The following RELCH variants were observed in gnomAD, a reference collection of about 807,000 sequenced individuals.
The protein encoded by RELCH is RAB11 binding and LisH domain, coiled-coil and HEAT repeat containing, also known as RAB11-binding protein RELCH.
In RELCH, 41 loss-of-function variants were observed where a neutral mutation model predicts 150.3. The observed-to-expected ratio is 0.27, with a 90% CI of 0.21 to 0.35. The LOEUF (loss-of-function observed/expected upper bound fraction) is 0.35. Among genes scored for constraint, RELCH ranks in the 10% least tolerant of loss-of-function variants. The pLI is 1.00. For missense variants in RELCH, 1,092 were observed against 1,467.8 expected (o/e 0.74, Z 4.18); for synonymous variants, 478 against 531.8 (o/e 0.90, Z 1.39).
At chr18:62,264,227 A>C in intron 17 of RELCH, 82 bp downstream of exon 17, 1 of 1,175,346 alleles carries the variant, frequency 8.5e-7, no homozygotes. Flanking sequence ...ATATAACAAA[A>C]CTTTTAAAAT....
At chr18:62,228,647 C>A in intron 8 of RELCH, 49 bp downstream of exon 8, 1 of 1,410,266 alleles carries the variant, frequency 7.1e-7, no homozygotes, top group Non-Finnish European at 9.6e-7. Flanking sequence ...CTATTTAGTA[C>A]ATGTCAAACG....
chr18:62,264,380 G>A (rs1319039217), intron 17 of RELCH, among the ~76,000 whole-genome samples: 2 of 151,980 alleles, frequency 1.3e-5, no homozygotes, highest in Non-Finnish European at 2.9e-5. Flanking sequence ...TCGTGGTGAT[G>A]GATTTTAAAC....
At chr18:62,281,471 G>C (rs891748781) in intron 24 of RELCH, among the ~76,000 whole-genome samples, 4 of 152,140 alleles carry the variant, frequency 2.6e-5, no homozygotes, top group Admixed American at 2.0e-4. Context: ...CCTGTTTCAG[G>C]AGACCACCAA....
rs143183817 is a variant in RELCH, at chr18:62,189,785, G to C, written c.526+1754G>C. Among the ~76,000 whole-genome samples the C allele has an allele frequency of 6.5e-3, 984 of 152,296 alleles. 6 individuals are homozygous for C. Among genetic ancestry groups the C allele is most frequent in the Non-Finnish European group, 0.011 (721 of 68,012 alleles). ...TTAAATAGTTTAGCAGTGTTTTAGA[G>C]TAAAACCTTACTTCTAAGTGCCTTT... On this transcript the variant is annotated intron_variant, in intron 1 of 28. Coordinates refer to ENST00000644646, the MANE Select transcript of RELCH (RefSeq NM_001346231.2).
chr18:62,309,875 A>G lies in RELCH; in HGVS notation c.*4341A>G, dbSNP rs2045962470. The G allele has an allele frequency of 6.6e-6, 1 of 152,184 alleles. No homozygotes were observed. Among genetic ancestry groups the G allele is most frequent in the African/African-American group, 2.4e-5 (1 of 41,446 alleles). 9.4% of individuals were successfully genotyped at this position (152,184 alleles called of 1,614,324 possible). A position where few individuals can be genotyped will look rare whatever the true frequency, so the allele number is the denominator to read the frequency against. ...GTATTTTGTGTTGTGTGTTATGTAT[A>G]TTAAATTCTTGGTCAGTGATCTTTT... On this transcript the variant is annotated 3_prime_UTR_variant, in exon 29 of 29. Transcript: ENST00000644646.
chr18:62,222,525 A>G lies in RELCH; in HGVS notation c.858+1028A>G, dbSNP rs111638201. On this transcript the variant is annotated intron_variant, in intron 5 of 28. Transcript: ENST00000644646. The stretch of plus-strand genomic sequence containing the variant: ...GAGGAGCAAAAAATAGATGGAATAC[A>G]TAGAAAACAGATAATAAAATGGTTA... Among the ~76,000 whole-genome samples, 284 of 152,116 alleles carry G rather than the reference A, an allele frequency of 1.9e-3. 3 individuals are homozygous for G. Among genetic ancestry groups the G allele is most frequent in the African/African-American group, 6.6e-3 (276 of 41,586 alleles).
In RELCH at chr18:62,306,857, T is replaced by C. The variant is rs1485568622; in HGVS notation, c.*1323T>C. On this transcript the variant is annotated 3_prime_UTR_variant, in exon 29 of 29. Transcript: ENST00000644646. Reference sequence around the variant, plus strand: ...TTGTTGTATAAACTGGTTTAATACATTTGGAACATAGTTGGATTACATTCA... The same window carrying C: ...TTGTTGTATAAACTGGTTTAATACACTTGGAACATAGTTGGATTACATTCA... 2 of 152,672 alleles carry C rather than the reference T, an allele frequency of 1.3e-5. No homozygotes were observed. Among genetic ancestry groups the C allele is most frequent in the African/African-American group, 4.8e-5 (2 of 41,464 alleles). The allele number at this position is 152,672 out of a possible 1,614,324, so 9.5% of individuals were successfully genotyped here.
At chr18:62,255,500 T>C (rs757566417) in intron 13 of RELCH, 22 bp downstream of exon 13, 31 of 1,533,936 alleles carry the variant, frequency 2.0e-5, no homozygotes, top group Non-Finnish European at 2.7e-5. Flanking sequence ...TTTTTTTTTT[T>C]CTTTAAACTA....
chr18:62,239,390 A>G (rs1169186761), intron 10 of RELCH, among the ~76,000 whole-genome samples: 1 of 141,348 alleles, frequency 7.1e-6, no homozygotes, highest in Non-Finnish European at 1.6e-5. Flanking sequence ...TTTCCTTTTT[A>G]TATGAACAGG....
In RELCH at chr18:62,271,268, T is replaced by G. The variant is rs564802660; in HGVS notation, c.2760+2320T>G. On this transcript the variant is annotated intron_variant, in intron 20 of 28. Transcript: ENST00000644646. ...TCCAGCACCTGTTGTTTCCTGACTTTTTAATGATTGCCATTCTAACTGGTG... is the reference window on the plus strand; with the variant it reads ...TCCAGCACCTGTTGTTTCCTGACTTGTTAATGATTGCCATTCTAACTGGTG... Among the ~76,000 whole-genome samples the G allele has an allele frequency of 2.6e-5, 4 of 152,354 alleles. No homozygotes were observed. The East Asian group carries it at 7.7e-4, about 29-fold the overall frequency.
chr18:62,207,834 A>C (rs560585664), intron 1 of RELCH, among the ~76,000 whole-genome samples: 1 of 152,198 alleles, frequency 6.6e-6, no homozygotes, highest in African/African-American at 2.4e-5. Flanking sequence ...CCATTCTCCT[A>C]TGATGCCAGC....
In RELCH at chr18:62,258,492, T is replaced by G. The variant is rs775468146; in HGVS notation, c.2038-20T>G. ...GTTTATCCCTTTAAAAATCTACATT[T>G]GCCTTTTTCTCATTGACAGGGTTTT... is the stretch of plus-strand genomic sequence containing the variant. On this transcript the variant is annotated intron_variant, in intron 14 of 28. Coordinates refer to ENST00000644646, the MANE Select transcript of RELCH (RefSeq NM_001346231.2). 1 of 1,589,248 alleles carries G rather than the reference T, an allele frequency of 6.3e-7. No homozygotes were observed. The highest frequency in any genetic ancestry group is 1.2e-5 in the South Asian group (1 of 86,374).
chr18:62,230,671 T>C (rs1235593723), intron 8 of RELCH, among the ~76,000 whole-genome samples: 2 of 152,112 alleles, frequency 1.3e-5, no homozygotes, highest in Non-Finnish European at 2.9e-5. Context: ...AAATGTATCA[T>C]GAATATTGAA....
chr18:62,212,280 T>C (rs2040221076), intron 2 of RELCH, among the ~76,000 whole-genome samples: 1 of 152,206 alleles, frequency 6.6e-6, no homozygotes, highest in Non-Finnish European at 1.5e-5. Context: ...TTGAAATCAT[T>C]CTTGAGTGCC....
intron 11 of RELCH, among the ~76,000 whole-genome samples, chr18:62,251,801 T>C (rs1043646232): frequency 3.3e-5 from 5 of 152,146 alleles, no homozygotes; most frequent in Non-Finnish European, 5.9e-5. Flanking sequence ...AACTGAAGCA[T>C]TGGGCATATA....
At chr18:62,240,646 T>C (rs985134399) in intron 10 of RELCH, among the ~76,000 whole-genome samples, 1 of 152,044 alleles carries the variant, frequency 6.6e-6, no homozygotes, top group Non-Finnish European at 1.5e-5. Flanking sequence ...AATCCTCTTC[T>C]ATTAATGAAT....
At chr18:62,263,842 T>C in intron 16 of RELCH, 147 bp from the exon 17 acceptor site, 1 of 542,496 alleles carries the variant, frequency 1.8e-6, no homozygotes, top group East Asian at 3.5e-5. Flanking sequence ...AATGACTTAA[T>C]TAGTGTATTT....
intron 27 of RELCH, among the ~76,000 whole-genome samples, chr18:62,294,481 G>A (rs978358052): frequency 2.6e-5 from 4 of 152,044 alleles, no homozygotes; most frequent in East Asian, 3.8e-4. Flanking sequence ...GATGAGTTGT[G>A]TTCTTCTATT....
chr18:62,203,209 G>T (rs1419271986), intron 1 of RELCH, among the ~76,000 whole-genome samples: 2 of 152,202 alleles, frequency 1.3e-5, no homozygotes, highest in Non-Finnish European at 2.9e-5. Context: ...TGTAATATCA[G>T]CACTTTGGGA....
Sources: allele counts gnomAD v4.1 joint callset (sites outside exome capture counted in the v4.1 genomes callset), GRCh38; gene constraint gnomAD v4.1.1; transcripts MANE v1.5; gene names NCBI Gene and HGNC (gene_info 2026-07-23, HGNC 2026-07-21).